CUX1: variants seen among roughly 807,000 people sequenced by gnomAD.
CUX1 encodes the protein protein CASP.
Under a neutral mutation model 158.8 loss-of-function variants are expected in CUX1, and 31 were observed. The ratio of observed to expected loss-of-function variants is 0.20; its 90% CI spans 0.15 to 0.26. CUX1 has a LOEUF of 0.26. Among genes scored for constraint, CUX1 ranks in the 10% least tolerant of loss-of-function variants. The pLI, the probability that CUX1 is intolerant of heterozygous loss-of-function variation, is 1.00. For missense variants in CUX1, 1,589 were observed against 2,014.6 expected, an observed-to-expected ratio of 0.79 and a Z score of 4.04; for synonymous variants, 879 against 862.1, an observed-to-expected ratio of 1.02 and a Z score of -0.34.
rs181854584 is a variant in CUX1, at chr7:102,001,630, C to T, written c.142-26468C>T. On this transcript the variant is annotated intron_variant, in intron 2 of 23. Coordinates refer to ENST00000292535, the MANE Select transcript of CUX1 (RefSeq NM_181552.4). Reference sequence around the variant, plus strand: ...AAGTGCTGGGATTACAGGCGTGAGCCACCGCGCCCGGCCCCGTTTGGTGTT... The same window carrying T: ...AAGTGCTGGGATTACAGGCGTGAGCTACCGCGCCCGGCCCCGTTTGGTGTT... 9.2e-5 allele frequency among the ~76,000 whole-genome samples: 14 copies of T among 152,346 alleles called. No homozygotes were observed. In the East Asian group the frequency reaches 2.7e-3, roughly 29 times the overall value.
rs782024670 is a variant in CUX1 at position 102,271,713 on chromosome 7, C to T, written c.1256-1653C>T. Among the ~76,000 whole-genome samples the T allele has an allele frequency of 5.9e-5, 9 of 152,318 alleles. No individual in the cohort carries two copies. The East Asian group carries it at 9.6e-4, about 16-fold the overall frequency. On this transcript the variant is annotated intron_variant, in intron 14 of 22. Transcript: ENST00000292538. ...CACCTTCCTGCCAGGGACCCAGGGGCTCAGTGAATGTCTGAAGGAAGAAAT... is the reference window on the plus strand; with the variant it reads ...CACCTTCCTGCCAGGGACCCAGGGGTTCAGTGAATGTCTGAAGGAAGAAAT...
At chr7:101,817,148 G>A, upstream of CUX1, 1 of 984,344 alleles carries the variant, frequency 1.0e-6, no homozygotes, top group Non-Finnish European at 1.2e-6. The surrounding 1 kb of genome is among the most constrained non-coding windows in gnomAD (Gnocchi z 4.1). Context: ...GGGAGGAGGA[G>A]GCTGCAACTT....
At chr7:102,138,172 A>G (rs1423608921) in intron 8 of CUX1, among the ~76,000 whole-genome samples, 1 of 152,240 alleles carries the variant, frequency 6.6e-6, no homozygotes, top group Non-Finnish European at 1.5e-5. Flanking sequence ...CAACAAAGTG[A>G]GATCCCGTCT....
At chr7:102,220,701 C>T (rs1463178408) in intron 20 of CUX1, among the ~76,000 whole-genome samples, 1 of 152,218 alleles carries the variant, frequency 6.6e-6, no homozygotes, top group Non-Finnish European at 1.5e-5. Context: ...GTATCTTGCA[C>T]CAGTCCCCGC....
intron 8 of CUX1, among the ~76,000 whole-genome samples, chr7:102,128,452 T>C (rs1178070186): frequency 6.7e-6 from 1 of 150,094 alleles, no homozygotes; most frequent in Admixed American, 6.8e-5. Flanking sequence ...TCTTGCACTT[T>C]CTTGCCCAGT....
In CUX1 at chr7:102,275,166, G is replaced by A. The variant is rs575899503; in HGVS notation, c.1451-81G>A. On this transcript the variant is annotated intron_variant, in intron 16 of 22. Transcript: ENST00000292538. Reference sequence around the variant, plus strand: ...ATGGCATTTGGCAGAAATCCCCCAGGGCTGGGGGACCCACCCCAAAGGGCC... The same window carrying A: ...ATGGCATTTGGCAGAAATCCCCCAGAGCTGGGGGACCCACCCCAAAGGGCC... 4 of 987,202 alleles carry A rather than the reference G, an allele frequency of 4.1e-6. No homozygotes were observed. The East Asian group carries it at 1.0e-4, about 25-fold the overall frequency. 61.2% of individuals were successfully genotyped at this position (987,202 alleles called of 1,614,324 possible).
intron 3 of CUX1, among the ~76,000 whole-genome samples, chr7:102,058,999 C>G (rs917039433): frequency 1.1e-4 from 16 of 152,220 alleles, no homozygotes; most frequent in Non-Finnish European, 1.5e-4. Flanking sequence ...CCTCCTTCCT[C>G]TGAAGAGCCT....
chr7:101,823,766 A>C (rs1792946845), intron 1 of CUX1, among the ~76,000 whole-genome samples: 1 of 152,240 alleles, frequency 6.6e-6, no homozygotes, highest in African/African-American at 2.4e-5. Context: ...TAAGGGAAAA[A>C]CAAATTGACA....
At chr7:102,091,244 C>T (rs1554482111) in intron 4 of CUX1, among the ~76,000 whole-genome samples, 1 of 152,176 alleles carries the variant, frequency 6.6e-6, no homozygotes, top group African/African-American at 2.4e-5. Flanking sequence ...ATCTGTCAAG[C>T]GGCATGTTAC....
chr7:102,018,741 TGC>T (rs1818979231), intron 2 of CUX1, among the ~76,000 whole-genome samples: 1 of 51,822 alleles, frequency 1.9e-5, no homozygotes, highest in Admixed American at 1.5e-4. Flanking sequence ...CTTGAGTGCG[TGC>T]GTGCGTGCGT....
chr7:101,817,110 G>A, upstream of CUX1: 3 of 984,486 alleles, frequency 3.0e-6, no homozygotes, highest in Non-Finnish European at 2.4e-6. This position sits in a 1 kb window ranked among gnomAD's most constrained non-coding sequence, Gnocchi z 4.1. Context: ...GCTGGGTCCC[G>A]GTGTCCCGGA....
intron 3 of CUX1, among the ~76,000 whole-genome samples, chr7:102,045,291 A>G (rs996389967): frequency 2.6e-5 from 4 of 152,240 alleles, no homozygotes; most frequent in Non-Finnish European, 5.9e-5. Context: ...GCCAAATTCA[A>G]TTTCAGTCAG....
intron 2 of CUX1, among the ~76,000 whole-genome samples, chr7:102,003,226 G>C (rs979535154): frequency 4.0e-5 from 6 of 151,118 alleles, no homozygotes; most frequent in African/African-American, 1.5e-4. Context: ...GAGGCCCCTT[G>C]ATCCCACAAG....
At chr7:101,844,494 G>C (rs1177438175) in intron 1 of CUX1, among the ~76,000 whole-genome samples, 1 of 152,158 alleles carries the variant, frequency 6.6e-6, no homozygotes, top group African/African-American at 2.4e-5. Context: ...TTTTTGCACA[G>C]AGAGTCACGG....
intron 2 of CUX1, among the ~76,000 whole-genome samples, chr7:102,012,221 T>G (rs1406321667): frequency 6.6e-6 from 1 of 152,036 alleles, no homozygotes; most frequent in Non-Finnish European, 1.5e-5. Context: ...GGGGTCTCAC[T>G]CTGTTGCCCA....
chr7:101,890,335 G>T (rs1273791592), intron 1 of CUX1, among the ~76,000 whole-genome samples: 1 of 152,104 alleles, frequency 6.6e-6, no homozygotes, highest in African/African-American at 2.4e-5. Flanking sequence ...AGGGTGTTAG[G>T]TCCAGAGGTG....
At chr7:102,037,991 G>T (rs1821645228) in intron 3 of CUX1, among the ~76,000 whole-genome samples, 1 of 151,466 alleles carries the variant, frequency 6.6e-6, no homozygotes, top group Non-Finnish European at 1.5e-5. Context: ...GGAGGTGGAG[G>T]CTGCAGTGAG....
chr7:101,919,185 C>T (rs1021076042), intron 2 of CUX1, among the ~76,000 whole-genome samples: 5 of 152,142 alleles, frequency 3.3e-5, no homozygotes, highest in African/African-American at 9.7e-5. Context: ...CCTGCTGTTC[C>T]CTGTGACAGC....
intron 23 of CUX1, among the ~76,000 whole-genome samples, 165 bp downstream of exon 23, chr7:102,239,749 C>A (rs1341105969): frequency 1.3e-5 from 2 of 150,220 alleles, no homozygotes; most frequent in Non-Finnish European, 3.0e-5. Flanking sequence ...TTTTTCTTTT[C>A]TTTTCTTTTC....
Sources: allele counts gnomAD v4.1 joint callset (sites outside exome capture counted in the v4.1 genomes callset), GRCh38; gene constraint gnomAD v4.1.1; non-coding constraint Gnocchi (gnomAD v3.1); transcripts MANE v1.5; gene names NCBI Gene and HGNC (gene_info 2026-07-23, HGNC 2026-07-21).